The following LGR6 variants were observed in gnomAD, a reference collection of about 807,000 sequenced individuals.
The protein encoded by LGR6 is leucine rich repeat containing G protein-coupled receptor 6.
In LGR6, 45 loss-of-function variants were observed where a neutral mutation model predicts 69.4. The observed-to-expected ratio is 0.65, with a 90% CI of 0.51 to 0.83. The LOEUF is 0.83. Among genes scored for constraint, LGR6 ranks in the 40% least tolerant of loss-of-function variants. The pLI is 0.00. For synonymous variants in LGR6, 538 were observed against 555.0 expected, an observed-to-expected ratio of 0.97 and a Z score of 0.43; for missense variants, 1,108 against 1,246.7, an observed-to-expected ratio of 0.89 and a Z score of 1.68.
intron 4 of LGR6, among the ~76,000 whole-genome samples, chr1:202,266,321 G>C (rs114166303): frequency 6.6e-6 from 1 of 152,044 alleles, no homozygotes; most frequent in Admixed American, 6.5e-5. Flanking sequence ...ATAGGCTCTC[G>C]GACGGACAGA....
At chr1:202,224,500 C>T (rs1024932423) in intron 1 of LGR6, among the ~76,000 whole-genome samples, 1 of 152,150 alleles carries the variant, frequency 6.6e-6, no homozygotes, top group Admixed American at 6.5e-5. Flanking sequence ...GGTCCCTAAC[C>T]TATTTGGCAC....
At chr1:202,289,620 T>C (rs1404773118) in intron 6 of LGR6, among the ~76,000 whole-genome samples, 3 of 152,220 alleles carry the variant, frequency 2.0e-5, no homozygotes, top group African/African-American at 7.2e-5. Context: ...CTGCATTTAT[T>C]AATGGGTGGC....
At chr1:202,314,709 A>G in intron 16 of LGR6, 93 bp from the exon 17 acceptor site, 2 of 850,442 alleles carry the variant, frequency 2.4e-6, no homozygotes, top group Non-Finnish European at 4.1e-6. Flanking sequence ...AGAGTTAGTA[A>G]GGGACATCTT....
At chr1:202,201,835 G>A (rs907846373) in intron 1 of LGR6, among the ~76,000 whole-genome samples, 6 of 152,184 alleles carry the variant, frequency 3.9e-5, no homozygotes, top group South Asian at 2.1e-4. Flanking sequence ...CAGAAATTGG[G>A]GACTCTGGGG....
chr1:202,247,144 A>G (rs1045144497), intron 4 of LGR6, among the ~76,000 whole-genome samples: 4 of 152,212 alleles, frequency 2.6e-5, no homozygotes, highest in Non-Finnish European at 4.4e-5. Context: ...AAGAATCTGG[A>G]TTTTTAAAAA....
intron 1 of LGR6, among the ~76,000 whole-genome samples, chr1:202,207,183 C>G (rs1349385566): frequency 6.6e-6 from 1 of 152,174 alleles, no homozygotes; most frequent in Non-Finnish European, 1.5e-5. Flanking sequence ...TCCCAAAGTG[C>G]TGGGATTACA....
chr1:202,307,737 G>A lies in LGR6; in HGVS notation c.1280+336G>A, dbSNP rs115525309. On this transcript the variant is annotated intron_variant, in intron 14 of 17. Transcript: ENST00000367278. The stretch of plus-strand genomic sequence containing the variant: ...TGGGCCTGGAATCCCTTCACACATA[G>A]GAGGGTGGAAGTAGATGTGGGAGCC... Among the ~76,000 whole-genome samples the A allele has an allele frequency of 3.3e-3, 504 of 152,304 alleles. 5 individuals are homozygous for A. Among genetic ancestry groups the A allele is most frequent in the African/African-American group, 0.012 (487 of 41,560 alleles).
At chr1:202,312,187 G>T (rs1390283692) in intron 16 of LGR6, among the ~76,000 whole-genome samples, 2 of 152,244 alleles carry the variant, frequency 1.3e-5, no homozygotes, top group East Asian at 3.8e-4. Context: ...AATGAGCCTC[G>T]AGAAGGAAAG....
chr1:202,211,941 C>T (rs1187915408), intron 1 of LGR6, among the ~76,000 whole-genome samples: 1 of 152,180 alleles, frequency 6.6e-6, no homozygotes, highest in Non-Finnish European at 1.5e-5. Context: ...TATTTTGCAT[C>T]TGGCTTCTTT....
At chr1:202,286,847 A>T (rs1666428307) in intron 6 of LGR6, among the ~76,000 whole-genome samples, 1 of 152,152 alleles carries the variant, frequency 6.6e-6, no homozygotes. Flanking sequence ...AGTTATTAAT[A>T]GTTCTTCCCA....
At chr1:202,265,417 A>G (rs190505711) in intron 4 of LGR6, among the ~76,000 whole-genome samples, 3 of 152,324 alleles carry the variant, frequency 2.0e-5, no homozygotes, top group Admixed American at 2.0e-4. Flanking sequence ...ATGAGCCCCA[A>G]GTGTTGGATG....
chr1:202,205,515 AC>A (rs1486855650), intron 1 of LGR6, among the ~76,000 whole-genome samples: 1 of 27,664 alleles, frequency 3.6e-5, no homozygotes, highest in Non-Finnish European at 7.6e-5. Flanking sequence ...AAACACACAC[AC>A]CCTCCTTCAA....
intron 4 of LGR6, among the ~76,000 whole-genome samples, chr1:202,271,430 G>T (rs2148142166): frequency 6.6e-6 from 1 of 152,258 alleles, no homozygotes; most frequent in East Asian, 1.9e-4. Flanking sequence ...AGTAAGAGGG[G>T]TTGCTCTATA....
intron 3 of LGR6, among the ~76,000 whole-genome samples, chr1:202,232,315 A>G (rs982490491): frequency 6.6e-6 from 1 of 152,036 alleles, no homozygotes; most frequent in Admixed American, 6.5e-5. Context: ...TGTGACACTC[A>G]TGGTTCCTGC....
At chr1:202,275,571 A>G (rs949082641) in intron 4 of LGR6, among the ~76,000 whole-genome samples, 4 of 152,106 alleles carry the variant, frequency 2.6e-5, no homozygotes. Flanking sequence ...CAAGAACTTC[A>G]ACTGTGGCAT....
At chr1:202,206,737 TA>T (rs1315647042) in intron 1 of LGR6, among the ~76,000 whole-genome samples, 2 of 152,022 alleles carry the variant, frequency 1.3e-5, no homozygotes, top group African/African-American at 4.8e-5. Flanking sequence ...TTTTTAAAAT[TA>T]AAAAACTTAA....
intron 4 of LGR6, among the ~76,000 whole-genome samples, chr1:202,242,230 G>A (rs1417788488): frequency 6.6e-6 from 1 of 152,218 alleles, no homozygotes; most frequent in Non-Finnish European, 1.5e-5. Context: ...ACCCAGAGGA[G>A]TTAAGCAACT....
In LGR6 at chr1:202,318,335, G is replaced by A. The variant is rs1193584314; in HGVS notation, c.2032G>A (p.Gly678Arg). ...CTCCGTCTCCTGTGTCCGGGCCTAT[G>A]GGAAGTCCCCCTCCCTGGGCAGCGT... ...SVSVSCVRAY[G>R]KSPSLGSVRA... Residue 678 changes from glycine to arginine, a missense_variant, in exon 18 of 18, where the codon GGG becomes AGG. Gly to Arg is a moderately radical substitution (Grantham distance 125, BLOSUM62 -2). Transcript: ENST00000367278. The A allele has an allele frequency of 6.3e-7, 1 of 1,596,396 alleles. No homozygotes were observed. Among genetic ancestry groups the A allele is most frequent in the Admixed American group, 1.7e-5 (1 of 58,460 alleles).
At chr1:202,291,875 A>G (rs1015912267) in intron 6 of LGR6, among the ~76,000 whole-genome samples, 5 of 152,200 alleles carry the variant, frequency 3.3e-5, no homozygotes, top group Non-Finnish European at 5.9e-5. Context: ...TATTATTACC[A>G]TTGTAATGCT....
Sources: allele counts gnomAD v4.1 joint callset (sites outside exome capture counted in the v4.1 genomes callset), GRCh38; gene constraint gnomAD v4.1.1; transcripts MANE v1.5; gene names NCBI Gene and HGNC (gene_info 2026-07-23, HGNC 2026-07-21).